Variants in DIP2C observed in about 807,000 individuals in gnomAD.
DIP2C encodes disco-interacting protein 2 homolog C.
DIP2C carries 33 observed loss-of-function variants against 192.4 expected under a neutral mutation model. That is an observed-to-expected ratio of 0.17 (90% CI 0.13 to 0.23). The LOEUF is 0.23. DIP2C is among the 10% of genes least tolerant of loss of function. DIP2C has a pLI of 1.00. For missense variants in DIP2C, 1,537 were observed against 2,110.1 expected (o/e 0.73, Z 5.32); for synonymous variants, 979 against 864.1 (o/e 1.13, Z -2.33).
chr10:368,934 G>A (rs1589628780), intron 18 of DIP2C, among the ~76,000 whole-genome samples: 1 of 152,252 alleles, frequency 6.6e-6, no homozygotes, highest in African/African-American at 2.4e-5. Context: ...GCGGCTCCTG[G>A]GAGGTGCCTG....
chr10:325,947 C>CA (rs1164534134), intron 31 of DIP2C, among the ~76,000 whole-genome samples: 1 of 151,998 alleles, frequency 6.6e-6, no homozygotes, highest in Non-Finnish European at 1.5e-5. Context: ...TTTGGGAGGC[C>CA]AGGGCAGACA....
At chr10:503,541 G>A (rs1313146293) in intron 1 of DIP2C, among the ~76,000 whole-genome samples, 1 of 152,230 alleles carries the variant, frequency 6.6e-6, no homozygotes, top group African/African-American at 2.4e-5. Flanking sequence ...CCATGGAAGT[G>A]TTCCTAGCCT....
At chr10:343,237 T>C (rs913020363) in intron 28 of DIP2C, among the ~76,000 whole-genome samples, 1 of 152,146 alleles carries the variant, frequency 6.6e-6, no homozygotes, top group Non-Finnish European at 1.5e-5. Context: ...TGCAGTGAGC[T>C]GAGATCGCAC....
At chr10:554,700 G>A (rs1281544800) in intron 1 of DIP2C, among the ~76,000 whole-genome samples, 4 of 152,208 alleles carry the variant, frequency 2.6e-5, no homozygotes, top group South Asian at 2.1e-4. Context: ...CCAGGACACC[G>A]CGCACAGATT....
rs1170930738 is a variant in DIP2C at position 532,661 on chromosome 10, ATGGGTG to A, written c.86-46137_86-46132del. On this transcript the variant is annotated intron_variant, in intron 1 of 36. Coordinates refer to ENST00000280886, the MANE Select transcript of DIP2C (RefSeq NM_014974.3). The stretch of plus-strand genomic sequence containing the variant: ...AGAGAGTATGGGTGTGAGAGAGAGT[ATGGGTG>A]TGAGAGAGAGTATGGGTGTGAGAGA... Among the ~76,000 whole-genome samples the A allele has an allele frequency of 9.4e-4, 68 of 72,278 alleles. 6 individuals are homozygous for A. The highest frequency in any genetic ancestry group is 4.8e-3 in the African/African-American group (66 of 13,656). The allele number at this position is 72,278 out of a possible 152,430, so 47.4% of individuals were successfully genotyped here.
intron 3 of DIP2C, among the ~76,000 whole-genome samples, chr10:458,506 CTGTGA>C (rs1969487911): frequency 6.6e-6 from 1 of 152,024 alleles, no homozygotes; most frequent in Admixed American, 6.5e-5. Context: ...TGCTTGGAAC[CTGTGA>C]CGGCAAGGAT....
At chr10:461,853 A>T (rs1969806254) in intron 3 of DIP2C, among the ~76,000 whole-genome samples, 1 of 152,220 alleles carries the variant, frequency 6.6e-6, no homozygotes, top group East Asian at 1.9e-4. Flanking sequence ...GTGCAATCAA[A>T]TTAGAACTCA....
intron 17 of DIP2C, among the ~76,000 whole-genome samples, chr10:381,767 A>G (rs868299414): frequency 1.3e-5 from 2 of 151,644 alleles, no homozygotes; most frequent in South Asian, 4.2e-4. Flanking sequence ...TCCTGCACTC[A>G]CTCTACACTC....
rs903089111 is a variant in DIP2C, at chr10:413,978, G to A, written c.992C>T (p.Ser331Leu). Residue 331 changes from serine (S) to leucine (L), a missense_variant, in exon 8 of 37, where the codon TCG becomes TTG. This residue lies in a region of DIP2C where 473 missense variants were observed against 539.6 expected (regional missense o/e 0.88). Coordinates refer to ENST00000280886, the MANE Select transcript of DIP2C (RefSeq NM_014974.3). The stretch of plus-strand genomic sequence containing the variant: ...GGTGGTCAGGCAGGGCGCCTTGGGC[G>A]AGATGGTGCCCCACCTCTGCAGTGC... ...EAALQRWGTI[S>L]PKAPCLTTMD... 6.2e-6 allele frequency: 10 copies of A among 1,614,226 alleles called. No individual in the cohort carries two copies. Among genetic ancestry groups the A allele is most frequent in the Non-Finnish European group, 7.6e-6 (9 of 1,180,032 alleles).
In DIP2C at chr10:302,715, C is replaced by T. The variant is rs4578310; in HGVS notation, c.3986+7316G>A. On this transcript the variant is annotated intron_variant, in intron 32 of 36. Transcript: ENST00000280886. ...TGCACACCTGGACAACATGTGACTA[C>T]ATACAATTGTAATACAACAATATTT... Among the ~76,000 whole-genome samples, 213 of 152,300 alleles carry T rather than the reference C, an allele frequency of 1.4e-3. 4 individuals carry two copies. In the South Asian group the frequency reaches 0.023, roughly 16 times the overall value.
rs1161131446 is a variant in DIP2C, at chr10:456,662, A to G, written c.269-15666T>C. Among the ~76,000 whole-genome samples, 3 of 152,342 alleles carry G rather than the reference A, an allele frequency of 2.0e-5. No homozygotes were observed. In the East Asian group the frequency reaches 5.8e-4, roughly 29 times the overall value. ...CAAGAGGCCAGACGAGACAGGCTGC[A>G]TGGAATTCCACCTGTCCACGGCCAC... is the stretch of plus-strand genomic sequence containing the variant. On this transcript the variant is annotated intron_variant, in intron 3 of 36. Transcript: ENST00000280886.
intron 1 of DIP2C, among the ~76,000 whole-genome samples, chr10:534,234 C>T (rs1017914113): frequency 6.6e-6 from 1 of 152,312 alleles, no homozygotes; most frequent in African/African-American, 2.4e-5. Flanking sequence ...AGAATCACCC[C>T]GGGGACGTGC....
intron 2 of DIP2C, among the ~76,000 whole-genome samples, chr10:480,925 G>A (rs531466122): frequency 9.9e-5 from 15 of 152,148 alleles, no homozygotes; most frequent in Non-Finnish European, 1.5e-4. Flanking sequence ...GGACACCCAC[G>A]TTTCCCCTCC....
intron 33 of DIP2C, 74 bp downstream of exon 33, chr10:288,290 T>C (rs1203543691): frequency 1.5e-6 from 2 of 1,369,480 alleles, no homozygotes; most frequent in Admixed American, 2.1e-5. Flanking sequence ...AAAATACATT[T>C]CCTAAAATTT....
At chr10:302,632 G>C (rs1434820877) in intron 32 of DIP2C, among the ~76,000 whole-genome samples, 1 of 152,204 alleles carries the variant, frequency 6.6e-6, no homozygotes, top group Non-Finnish European at 1.5e-5. Context: ...TACACACACT[G>C]GGATGGGGTA....
chr10:298,171 C>T (rs958856707), intron 32 of DIP2C, among the ~76,000 whole-genome samples: 13 of 152,194 alleles, frequency 8.5e-5, no homozygotes, highest in East Asian at 3.9e-4. Context: ...GACAATTGGC[C>T]GTCACGTCTC....
intron 1 of DIP2C, among the ~76,000 whole-genome samples, chr10:542,534 G>GA (rs1051229553): frequency 3.2e-4 from 49 of 152,334 alleles, no homozygotes; most frequent in African/African-American, 1.2e-3. Flanking sequence ...CCAGGCTCCA[G>GA]AAATGCACAG....
At chr10:295,101 CTTT>C (rs200972750) in intron 32 of DIP2C, among the ~76,000 whole-genome samples, 154 of 149,784 alleles carry the variant, frequency 1.0e-3, no homozygotes, top group African/African-American at 3.4e-3. Context: ...AAGTGGAAGT[CTTT>C]TTTTTTTCTT....
At chr10:548,211 C>G (rs936068026) in intron 1 of DIP2C, among the ~76,000 whole-genome samples, 3 of 108,326 alleles carry the variant, frequency 2.8e-5, no homozygotes, top group Admixed American at 8.7e-5. Flanking sequence ...CTGCCCCACC[C>G]CCCCCCCCAC....
Sources: gnomAD v4.1 joint callset for allele counts (sites outside exome capture counted in the v4.1 genomes callset) on GRCh38, gnomAD v4.1.1 for gene constraint, gnomAD v4.1.1 regional missense constraint, MANE v1.5 for transcripts, NCBI Gene and HGNC (gene_info 2026-07-23, HGNC 2026-07-21) for gene names.